Variants in PLD1 observed in about 807,000 individuals in gnomAD.
The protein encoded by PLD1 is phospholipase D1.
Under a neutral mutation model 137.1 loss-of-function variants are expected in PLD1, and 112 were observed. That is an observed-to-expected ratio of 0.82 (90% CI 0.70 to 0.96). The LOEUF is 0.96. Ranked by LOEUF, PLD1 falls within the 40% of genes least tolerant of loss-of-function variation. PLD1 has a pLI of 0.00. For synonymous variants in PLD1, 431 were observed against 454.7 expected (o/e 0.95, Z 0.66); for missense variants, 1,321 against 1,342.0 (o/e 0.98, Z 0.24).
chr3:171,635,096 G>A (rs1263358703), intron 23 of PLD1, among the ~76,000 whole-genome samples: 1 of 152,072 alleles, frequency 6.6e-6, no homozygotes, highest in African/African-American at 2.4e-5. Context: ...TGTAGTATAT[G>A]TCAGTTCATG....
chr3:171,749,209 G>T (rs557076365), intron 1 of PLD1, among the ~76,000 whole-genome samples: 1 of 152,300 alleles, frequency 6.6e-6, no homozygotes, highest in Non-Finnish European at 1.5e-5. Flanking sequence ...ACTAAAGTCT[G>T]ATGGGCACAC....
chr3:171,753,879 C>T (rs1159973357), intron 1 of PLD1, among the ~76,000 whole-genome samples: 4 of 152,180 alleles, frequency 2.6e-5, no homozygotes, highest in Non-Finnish European at 1.5e-5. Flanking sequence ...TTACGTTTCC[C>T]TGCTCAGCTG....
chr3:171,693,643 A>C (rs1025225155), intron 12 of PLD1, among the ~76,000 whole-genome samples: 3 of 152,118 alleles, frequency 2.0e-5, no homozygotes, highest in African/African-American at 7.2e-5. Flanking sequence ...GCAGCTCTGA[A>C]AGCATTCTGA....
chr3:171,651,210 T>C (rs1736736353), intron 21 of PLD1, among the ~76,000 whole-genome samples: 1 of 152,172 alleles, frequency 6.6e-6, no homozygotes, highest in Admixed American at 6.5e-5. Flanking sequence ...ATTTGAGATT[T>C]ATAGTTTGTA....
chr3:171,679,940 A>G (rs1451567745), intron 16 of PLD1, among the ~76,000 whole-genome samples: 3 of 152,154 alleles, frequency 2.0e-5, no homozygotes, highest in East Asian at 1.9e-4. Flanking sequence ...CTGGCTCCCA[A>G]ATGATTTCAT....
At chr3:171,721,919 T>C (rs543624778) in intron 8 of PLD1, among the ~76,000 whole-genome samples, 1 of 152,292 alleles carries the variant, frequency 6.6e-6, no homozygotes, top group African/African-American at 2.4e-5. Flanking sequence ...CTTAATGGTA[T>C]TTTTTTGTTG....
chr3:171,702,001 C>A (rs985837049), intron 11 of PLD1, among the ~76,000 whole-genome samples: 6 of 152,086 alleles, frequency 3.9e-5, no homozygotes, highest in Non-Finnish European at 8.8e-5. Context: ...AATGATCAGA[C>A]TTTCCTTTCT....
intron 1 of PLD1, among the ~76,000 whole-genome samples, chr3:171,754,534 G>A (rs1720881888): frequency 6.6e-6 from 1 of 152,090 alleles, no homozygotes; most frequent in South Asian, 2.1e-4. Flanking sequence ...TTCATATTCA[G>A]ATGTATACAA....
At chr3:171,695,963 A>G (rs921401327) in intron 12 of PLD1, among the ~76,000 whole-genome samples, 6 of 152,122 alleles carry the variant, frequency 3.9e-5, no homozygotes, top group African/African-American at 1.2e-4. Context: ...AGCTGAAGAT[A>G]CCTTCCCTGC....
chr3:171,709,757 T>C (rs369795876), intron 9 of PLD1, 48 bp from the exon 10 acceptor site: 151 of 1,507,164 alleles, frequency 1.0e-4, no homozygotes, highest in Non-Finnish European at 1.3e-4. Context: ...CTCTGTTCTA[T>C]CTCATGCTCT....
chr3:171,701,257 T>A (rs1716213255), intron 11 of PLD1, among the ~76,000 whole-genome samples: 1 of 152,040 alleles, frequency 6.6e-6, no homozygotes, highest in African/African-American at 2.4e-5. Flanking sequence ...GGAAACAAAC[T>A]CAAAGGTAAT....
intron 20 of PLD1, among the ~76,000 whole-genome samples, chr3:171,660,206 T>C (rs193153159): frequency 6.6e-6 from 1 of 152,364 alleles, no homozygotes; most frequent in Admixed American, 6.5e-5. Context: ...TTATCATTTT[T>C]ATGACTATAT....
intron 1 of PLD1, among the ~76,000 whole-genome samples, chr3:171,764,135 C>G (rs1039005121): frequency 6.6e-6 from 1 of 152,054 alleles, no homozygotes; most frequent in African/African-American, 2.4e-5. Flanking sequence ...CCACGTCCAG[C>G]TAATTTTATT....
chr3:171,691,369 T>C (rs1308515866), intron 13 of PLD1, among the ~76,000 whole-genome samples: 1 of 152,208 alleles, frequency 6.6e-6, no homozygotes, highest in African/African-American at 2.4e-5. Flanking sequence ...ACATGTCTTA[T>C]AGCTTTTTTG....
intron 11 of PLD1, among the ~76,000 whole-genome samples, chr3:171,704,805 G>A (rs146323654): frequency 4.3e-4 from 66 of 152,252 alleles, no homozygotes; most frequent in Non-Finnish European, 8.2e-4. Flanking sequence ...ACCAGAAACC[G>A]GATTCATGGA....
At position 171,677,546 on chromosome 3, in the gene PLD1, C is replaced by T. The variant is rs186887846; in HGVS notation, c.1996+20G>A. ...GTAAAAGACAAAATATAACCAGCACCCCACCATTATGATACTCACCAGCAA... is the reference window on the plus strand; with the variant it reads ...GTAAAAGACAAAATATAACCAGCACTCCACCATTATGATACTCACCAGCAA... On this transcript the variant is annotated intron_variant, in intron 17 of 26. Coordinates refer to ENST00000351298, the MANE Select transcript of PLD1 (RefSeq NM_002662.5). The T allele has an allele frequency of 4.3e-6, 7 of 1,610,456 alleles. No individual in the cohort carries two copies. In the African/African-American group the frequency reaches 5.3e-5, roughly 12 times the overall value.
chr3:171,696,266 A>C (rs2108532321), intron 12 of PLD1, among the ~76,000 whole-genome samples: 1 of 152,350 alleles, frequency 6.6e-6, no homozygotes, highest in East Asian at 1.9e-4. Context: ...TTAGCATAGC[A>C]AGTGCAGAAC....
At chr3:171,715,325 T>TA (rs1265074472) in intron 8 of PLD1, among the ~76,000 whole-genome samples, 1 of 152,226 alleles carries the variant, frequency 6.6e-6, no homozygotes, top group African/African-American at 2.4e-5. Flanking sequence ...TGTCTGTTTT[T>TA]ATACCAATAC....
At chr3:171,637,786 C>G (rs921564052) in intron 23 of PLD1, among the ~76,000 whole-genome samples, 1 of 152,086 alleles carries the variant, frequency 6.6e-6, no homozygotes, top group Non-Finnish European at 1.5e-5. Context: ...CAGCATGATA[C>G]TATACTGAAT....
Sources: allele counts gnomAD v4.1 joint callset (sites outside exome capture counted in the v4.1 genomes callset), GRCh38; gene constraint gnomAD v4.1.1; transcripts MANE v1.5; gene names NCBI Gene and HGNC (gene_info 2026-07-23, HGNC 2026-07-21).